COL18A1: variants seen among roughly 807,000 people sequenced by gnomAD.
COL18A1 encodes the protein collagen type XVIII alpha 1 chain.
COL18A1 carries 133 observed loss-of-function variants against 168.0 expected under a neutral mutation model. The ratio of observed to expected loss-of-function variants is 0.79; its 90% CI spans 0.69 to 0.91. The LOEUF (loss-of-function observed/expected upper bound fraction) is 0.91. Ranked by LOEUF, COL18A1 falls within the 40% of genes least tolerant of loss-of-function variation. The probability of loss-of-function intolerance (pLI) is 0.00; values close to 1 mark genes in which losing one functional copy is unlikely to be tolerated. For synonymous variants in COL18A1, 949 were observed against 809.0 expected, an observed-to-expected ratio of 1.17 and a Z score of -2.94; for missense variants, 2,126 against 1,925.4, an observed-to-expected ratio of 1.10 and a Z score of -1.95.
intron 21 of COL18A1, 110 bp from the exon 22 acceptor site, chr21:45,491,115 C>G: frequency 9.8e-7 from 1 of 1,018,922 alleles, no homozygotes; most frequent in Non-Finnish European, 1.5e-6. Flanking sequence ...GCCCCGGGCG[C>G]CTCCTCACCC....
chr21:45,478,283 G>C, intron 8 of COL18A1, 44 bp from the exon 9 acceptor site: 1 of 1,613,778 alleles, frequency 6.2e-7, no homozygotes, highest in Non-Finnish European at 8.5e-7. Context: ...GGTGGCGCCG[G>C]AGGAGTCATT....
chr21:45,492,741 G>A (rs1459682387), intron 24 of COL18A1, 28 bp downstream of exon 24: 3 of 1,055,738 alleles, frequency 2.8e-6, no homozygotes, highest in Non-Finnish European at 4.0e-6. Flanking sequence ...AGAGCTGCAT[G>A]CTGCCCGGCT....
intron 37 of COL18A1, 176 bp downstream of exon 37, chr21:45,506,142 T>C (rs1602623387): frequency 1.0e-6 from 1 of 966,698 alleles, no homozygotes; most frequent in East Asian, 2.7e-5. Context: ...TGAGCAGTTT[T>C]GGGTTTAAAG....
rs1568939946 is a variant in COL18A1 at position 45,504,059 on chromosome 21, G to A, written c.2727+5G>A. ...CAGTTGGAGGCTGAAATGAAGGTGGGTGACCTCCCTGTGGGGTTGGGGGCC... is the reference window on the plus strand; with the variant it reads ...CAGTTGGAGGCTGAAATGAAGGTGGATGACCTCCCTGTGGGGTTGGGGGCC... On this transcript the variant is annotated splice_donor_5th_base_variant and intron_variant, in intron 33 of 41. Coordinates refer to ENST00000651438, the MANE Select transcript of COL18A1 (RefSeq NM_001379500.1). The A allele has an allele frequency of 1.2e-6, 2 of 1,613,606 alleles. No individual in the cohort carries two copies. Among genetic ancestry groups the A allele is most frequent in the South Asian group, 2.2e-5 (2 of 91,092 alleles).
In COL18A1 at chr21:45,454,496, C is replaced by T. The variant is rs114441689; in HGVS notation, c.107-13746C>T. Among the ~76,000 whole-genome samples the T allele has an allele frequency of 2.3e-3, 349 of 152,298 alleles. 1 individual carries two copies. Among genetic ancestry groups the T allele is most frequent in the African/African-American group, 8.2e-3 (341 of 41,558 alleles). ...TTGTGGGGTGAAACCTGGGTGTGTG[C>T]GTGTGAGGATGCACATGTGTGAACG... On this transcript the variant is annotated intron_variant, in intron 2 of 41. Transcript: ENST00000651438.
intron 31 of COL18A1, among the ~76,000 whole-genome samples, 163 bp downstream of exon 31, chr21:45,497,255 C>T (rs564685056): frequency 2.2e-4 from 33 of 151,636 alleles, no homozygotes; most frequent in Non-Finnish European, 3.6e-4. Context: ...GCCCTTCCTG[C>T]GGGCCCTCCC....
intron 2 of COL18A1, among the ~76,000 whole-genome samples, chr21:45,454,366 G>T (rs2034728110): frequency 6.6e-6 from 1 of 152,178 alleles, no homozygotes; most frequent in Admixed American, 6.5e-5. Context: ...CCCCAGCCCT[G>T]GGGGAGGGTG....
In COL18A1 at chr21:45,475,527, G is replaced by A; in HGVS notation, c.790G>A (p.Glu264Lys). The change falls in exon 5 of 42, where the codon GAG (glutamate) becomes AAG (lysine). Residue 264 changes from glutamate (E) to lysine (K), a missense_variant. By Grantham distance (56) the Glu-to-Lys change is moderately conservative. Transcript: ENST00000651438. ...GLGDARELLR[E>K]ETGAALKPRL... ...CGGGGACGCCCGGGAGCTTCTCAGG[G>A]AGGAGACGGTGAGTAGCCGGACGGG... The A allele has an allele frequency of 6.2e-7, 1 of 1,606,606 alleles. No individual in the cohort carries two copies.
At chr21:45,410,571 C>T (rs752431956) in intron 2 of COL18A1, among the ~76,000 whole-genome samples, 2 of 152,278 alleles carry the variant, frequency 1.3e-5, no homozygotes, top group Non-Finnish European at 2.9e-5. Context: ...TTCGTTTGCT[C>T]ATTTATTTTT....
At position 45,468,626 on chromosome 21, in the gene COL18A1, A is replaced by G; in HGVS notation, c.491A>G (p.His164Arg). ...CCCGCCTTCGTCGGCCAGTGGACAC[A>G]CTTAGCCCTCAGTGTGGCAGGTGGC... is the stretch of plus-strand genomic sequence containing the variant. ...RLPAFVGQWTHLALSVAGGFV... is the reference protein window; with the variant it reads ...RLPAFVGQWTRLALSVAGGFV... Residue 164 changes from histidine to arginine, a missense_variant, in exon 3 of 42, where the codon CAC becomes CGC. Physicochemically the swap from His to Arg is conservative, Grantham distance 29. Coordinates refer to ENST00000651438, the MANE Select transcript of COL18A1 (RefSeq NM_001379500.1). The G allele has an allele frequency of 1.2e-6, 2 of 1,614,030 alleles. No individual in the cohort carries two copies. The highest frequency in any genetic ancestry group is 1.7e-6 in the Non-Finnish European group (2 of 1,180,028).
intron 2 of COL18A1, among the ~76,000 whole-genome samples, chr21:45,436,900 C>G (rs2034118068): frequency 6.6e-6 from 1 of 150,570 alleles, no homozygotes; most frequent in South Asian, 2.1e-4. Context: ...CTGGGGGAAC[C>G]CTGGCTAGGG....
At chr21:45,488,031 C>T (rs1181859257) in intron 17 of COL18A1, among the ~76,000 whole-genome samples, 1 of 152,170 alleles carries the variant, frequency 6.6e-6, no homozygotes, top group African/African-American at 2.4e-5. Flanking sequence ...TCCTTCCTCC[C>T]CTGCCCCCAC....
chr21:45,511,580 C>T lies in COL18A1; in HGVS notation c.3809+354C>T, dbSNP rs574103436. On this transcript the variant is annotated intron_variant, in intron 41 of 41. Coordinates refer to ENST00000651438, the MANE Select transcript of COL18A1 (RefSeq NM_001379500.1). ...AGAATAAACTCCTCAAAGGGCAACA[C>T]GGAGTCCGAGCATGTGTGCCCTTAA... Among the ~76,000 whole-genome samples the T allele has an allele frequency of 3.3e-5, 5 of 152,256 alleles. No individual in the cohort carries two copies. In the East Asian group the frequency reaches 5.8e-4, roughly 18 times the overall value.
intron 2 of COL18A1, among the ~76,000 whole-genome samples, chr21:45,432,665 C>G (rs1363222810): frequency 1.3e-5 from 2 of 152,256 alleles, no homozygotes; most frequent in African/African-American, 4.8e-5. Context: ...TGGCCAGTTT[C>G]TGTGTGATTG....
Position 45,494,537 on chromosome 21 carries a change from T to C in COL18A1, c.2353-8T>C, listed in dbSNP as rs1250366982. 7 of 1,613,360 alleles carry C rather than the reference T, an allele frequency of 4.3e-6. No individual in the cohort carries two copies. Among genetic ancestry groups the C allele is most frequent in the Non-Finnish European group, 5.9e-6 (7 of 1,179,994 alleles). On this transcript the variant is annotated splice_region_variant and splice_polypyrimidine_tract_variant and intron_variant, in intron 26 of 41. Coordinates refer to ENST00000651438, the MANE Select transcript of COL18A1 (RefSeq NM_001379500.1). Reference sequence around the variant, plus strand: ...CACCTAACCCTGTCTTCTTGTTTTTTTGCTCAGGGAGAGCCGGGCTTCCGA... The same window carrying C: ...CACCTAACCCTGTCTTCTTGTTTTTCTGCTCAGGGAGAGCCGGGCTTCCGA...
In COL18A1 at chr21:45,492,571, G is replaced by C. The variant is rs369701764; in HGVS notation, c.2187+7G>C. ...GAGCGTGCCGGGACCTGAGGTATGTGCCTGCCCAGCTTCTAAGAGACGGGC... is the reference window on the plus strand; with the variant it reads ...GAGCGTGCCGGGACCTGAGGTATGTCCCTGCCCAGCTTCTAAGAGACGGGC... On this transcript the variant is annotated splice_region_variant and intron_variant, in intron 23 of 41. Transcript: ENST00000651438. 2.5e-4 allele frequency: 400 copies of C among 1,613,176 alleles called. No individual in the cohort carries two copies. Among genetic ancestry groups the C allele is most frequent in the South Asian group, 1.3e-3 (114 of 91,086 alleles).
intron 37 of COL18A1, 117 bp downstream of exon 37, chr21:45,506,083 C>A (rs542598611): frequency 4.0e-6 from 6 of 1,505,940 alleles, no homozygotes; most frequent in Non-Finnish European, 5.5e-6. Context: ...TGGCAGCCAG[C>A]GCTTCTTAAA....
At position 45,481,970 on chromosome 21, in the gene COL18A1, C is replaced by T. The variant is rs2035913405; in HGVS notation, c.1619C>T (p.Pro540Leu). 1 of 1,612,568 alleles carries T rather than the reference C, an allele frequency of 6.2e-7. No homozygotes were observed. Among genetic ancestry groups the T allele is most frequent in the Non-Finnish European group, 8.5e-7 (1 of 1,178,600 alleles). Reference sequence around the variant, plus strand: ...TGCTCTGCTCTCCCCCAGGGACCCCCAGGCCCTCCGGGAAGAGAGGGGCCC... The same window carrying T: ...TGCTCTGCTCTCCCCCAGGGACCCCTAGGCCCTCCGGGAAGAGAGGGGCCC... ...PPGFPGLPGPPGPPGREGPPG... is the reference protein window; with the variant it reads ...PPGFPGLPGPLGPPGREGPPG... The change falls in exon 14 of 42, where the codon CCA (proline) becomes CTA (leucine). Residue 540 changes from proline (P) to leucine (L), a missense_variant. Coordinates refer to ENST00000651438, the MANE Select transcript of COL18A1 (RefSeq NM_001379500.1).
At chr21:45,510,932 C>A (rs1568953933) in intron 40 of COL18A1, among the ~76,000 whole-genome samples, 179 bp from the exon 41 acceptor site, 2 of 141,970 alleles carry the variant, frequency 1.4e-5, no homozygotes, top group Admixed American at 6.9e-5. Context: ...CCCCACCCCC[C>A]AAAAAAACAC....
Sources: allele counts gnomAD v4.1 joint callset (sites outside exome capture counted in the v4.1 genomes callset), GRCh38; gene constraint gnomAD v4.1.1; transcripts MANE v1.5; gene names NCBI Gene and HGNC (gene_info 2026-07-23, HGNC 2026-07-21).